Variants in MARCHF6 observed in about 807,000 individuals in gnomAD.
MARCHF6 encodes the protein E3 ubiquitin-protein ligase MARCHF6.
Under a neutral mutation model 133.7 loss-of-function variants are expected in MARCHF6, and 31 were observed. The observed-to-expected ratio is 0.23, with a 90% CI of 0.17 to 0.31. The LOEUF (loss-of-function observed/expected upper bound fraction) is 0.31. Ranked by LOEUF, MARCHF6 falls within the 10% of genes least tolerant of loss-of-function variation. The pLI, the probability that MARCHF6 is intolerant of heterozygous loss-of-function variation, is 1.00. For missense variants in MARCHF6, 723 were observed against 1,121.6 expected, an observed-to-expected ratio of 0.64 and a Z score of 5.08; for synonymous variants, 395 against 402.5, an observed-to-expected ratio of 0.98 and a Z score of 0.22.
At chr5:10,358,587 A>G (rs1735623607) in intron 1 of MARCHF6, among the ~76,000 whole-genome samples, 1 of 152,214 alleles carries the variant, frequency 6.6e-6, no homozygotes, top group Admixed American at 6.5e-5. Context: ...TAATCTAGAG[A>G]TAATTTAAAG....
At chr5:10,419,765 G>C (rs979004979) in intron 22 of MARCHF6, among the ~76,000 whole-genome samples, 1 of 152,168 alleles carries the variant, frequency 6.6e-6, no homozygotes, top group African/African-American at 2.4e-5. Flanking sequence ...AGGTTGATCA[G>C]TCTTCAGTTG....
In MARCHF6 at chr5:10,423,838, G is replaced by A. The variant is rs1388538663; in HGVS notation, c.2373+14G>A. On this transcript the variant is annotated intron_variant, in intron 23 of 25. Transcript: ENST00000274140. Reference sequence around the variant, plus strand: ...GTAATTGAACAGGTAAGCAAAATCAGTTTTCAGAGAAAGACATTCTGGAAT... The same window carrying A: ...GTAATTGAACAGGTAAGCAAAATCAATTTTCAGAGAAAGACATTCTGGAAT... The A allele has an allele frequency of 6.3e-7, 1 of 1,583,330 alleles. No homozygotes were observed. Among genetic ancestry groups the A allele is most frequent in the Admixed American group, 1.7e-5 (1 of 59,242 alleles).
At chr5:10,388,982 G>C (rs976323829) in intron 5 of MARCHF6, among the ~76,000 whole-genome samples, 1 of 152,150 alleles carries the variant, frequency 6.6e-6, no homozygotes, top group Non-Finnish European at 1.5e-5. Flanking sequence ...TACTAAGGTG[G>C]TAGTTAGGAT....
intron 1 of MARCHF6, among the ~76,000 whole-genome samples, chr5:10,368,362 T>C (rs1245585751): frequency 1.3e-5 from 2 of 152,184 alleles, no homozygotes; most frequent in Non-Finnish European, 1.5e-5. Flanking sequence ...GCCAGGCACA[T>C]TGGCTCACAC....
intron 4 of MARCHF6, among the ~76,000 whole-genome samples, chr5:10,386,491 A>G (rs1737490104): frequency 1.3e-5 from 2 of 152,172 alleles, no homozygotes; most frequent in Non-Finnish European, 2.9e-5. Flanking sequence ...TATATTCTGT[A>G]TTTTAGAGGA....
intron 4 of MARCHF6, among the ~76,000 whole-genome samples, chr5:10,384,552 T>A (rs116769154): frequency 0.013 from 1,949 of 152,332 alleles, 26 homozygotes; most frequent in Middle Eastern, 0.037. Flanking sequence ...TGAGCATCTG[T>A]TTATTTTGTT....
intron 1 of MARCHF6, among the ~76,000 whole-genome samples, chr5:10,371,164 A>G (rs548467019): frequency 6.6e-6 from 1 of 152,322 alleles, no homozygotes; most frequent in East Asian, 1.9e-4. Context: ...GTGACAGTTC[A>G]GTGATACCCT....
At chr5:10,391,113 A>G (rs977636587) in intron 6 of MARCHF6, among the ~76,000 whole-genome samples, 4 of 152,170 alleles carry the variant, frequency 2.6e-5, no homozygotes, top group African/African-American at 9.7e-5. Context: ...AGTAGAGTTT[A>G]TATTTGTTTT....
chr5:10,411,531 A>G lies in MARCHF6; in HGVS notation c.1890A>G (p.Pro630=). 1 of 1,613,240 alleles carries G rather than the reference A, an allele frequency of 6.2e-7. No individual in the cohort carries two copies. Among genetic ancestry groups the G allele is most frequent in the African/African-American group, 1.3e-5 (1 of 74,942 alleles). The part of the protein sequence containing the change: ...FQPYRRPLNF[P]LRIFLLIVFM... ...CTTACCGCCGACCTTTAAATTTTCC[A>G]CTCAGGGTAGGTGCTATACAGACTT... Residue 630 remains proline, a synonymous_variant, in exon 19 of 26, where the codon CCA becomes CCG. Coordinates refer to ENST00000274140, the MANE Select transcript of MARCHF6 (RefSeq NM_005885.4).
intron 17 of MARCHF6, among the ~76,000 whole-genome samples, chr5:10,408,778 A>G (rs552236367): frequency 5.8e-4 from 88 of 152,278 alleles, no homozygotes; most frequent in Admixed American, 4.7e-3. Context: ...AGCTTGAACC[A>G]TCTGCCTGCC....
At chr5:10,397,254 A>G (rs1418666598) in intron 9 of MARCHF6, 39 bp from the exon 10 acceptor site, 1 of 1,419,864 alleles carries the variant, frequency 7.0e-7, no homozygotes, top group Non-Finnish European at 9.6e-7. Flanking sequence ...TACATTAAGT[A>G]TGAATTGAAT....
intron 10 of MARCHF6, among the ~76,000 whole-genome samples, chr5:10,398,692 A>G (rs1738336577): frequency 1.3e-5 from 2 of 152,194 alleles, no homozygotes; most frequent in Non-Finnish European, 2.9e-5. Context: ...CATTTAAAAC[A>G]TGAATTATAC....
intron 1 of MARCHF6, among the ~76,000 whole-genome samples, chr5:10,368,865 G>GC (rs1198230249): frequency 1.3e-5 from 2 of 152,038 alleles, no homozygotes; most frequent in Non-Finnish European, 2.9e-5. Context: ...GAGCCACCGT[G>GC]CCCAGCCAGG....
Position 10,434,748 on chromosome 5 carries a change from G to A in MARCHF6, c.*1064G>A, listed in dbSNP as rs1316750996. 2.0e-5 allele frequency: 3 copies of A among 152,548 alleles called. No individual in the cohort carries two copies. Among genetic ancestry groups the A allele is most frequent in the Non-Finnish European group, 4.4e-5 (3 of 68,032 alleles). 9.4% of individuals were successfully genotyped at this position (152,548 alleles called of 1,614,324 possible). A position where few individuals can be genotyped will look rare whatever the true frequency, so the allele number is the denominator to read the frequency against. On this transcript the variant is annotated 3_prime_UTR_variant, in exon 26 of 26. Transcript: ENST00000274140. ...GCCTCGTTGGCTGAGGACTAGGTGT[G>A]CATTTCTCCTAGCTTTTCATCAGGA... is the stretch of plus-strand genomic sequence containing the variant.
Position 10,417,416 on chromosome 5 carries a change from T to C in MARCHF6, c.2283+12T>C. The C allele has an allele frequency of 1.9e-6, 3 of 1,613,190 alleles. No homozygotes were observed. The highest frequency in any genetic ancestry group is 1.1e-5 in the South Asian group (1 of 90,894). On this transcript the variant is annotated intron_variant, in intron 22 of 25. Transcript: ENST00000274140. ...TTTATCCATGGCAGGTAAATGTATGTCTTTTGCTCATGTTATTTCATTAAG... is the reference window on the plus strand; with the variant it reads ...TTTATCCATGGCAGGTAAATGTATGCCTTTTGCTCATGTTATTTCATTAAG...
chr5:10,397,372 T>A (rs759551180), intron 10 of MARCHF6, 28 bp downstream of exon 10: 34 of 1,492,178 alleles, frequency 2.3e-5, no homozygotes, highest in East Asian at 1.8e-4. Context: ...TTTTTTTTTT[T>A]ATAGTATTAT....
chr5:10,371,884 G>T (rs1237954038), intron 1 of MARCHF6, among the ~76,000 whole-genome samples: 2 of 152,058 alleles, frequency 1.3e-5, no homozygotes, highest in Non-Finnish European at 2.9e-5. Context: ...TATAATCCCA[G>T]CTATTCAGGA....
intron 25 of MARCHF6, among the ~76,000 whole-genome samples, chr5:10,431,166 T>G (rs1938113961): frequency 6.6e-6 from 1 of 152,188 alleles, no homozygotes; most frequent in African/African-American, 2.4e-5. Context: ...CTCCAAAGCA[T>G]TTACTGACAG....
rs757920156 is a variant in MARCHF6 at position 10,381,882 on chromosome 5, A to C, written c.273A>C (p.Arg91=). 1.2e-6 allele frequency: 2 copies of C among 1,612,856 alleles called. No individual in the cohort carries two copies. The highest frequency in any genetic ancestry group is 1.7e-6 in the Non-Finnish European group (2 of 1,179,108). Residue 91 remains arginine (R), a synonymous_variant, in exon 4 of 26, where the codon CGA becomes CGC. Coordinates refer to ENST00000274140, the MANE Select transcript of MARCHF6 (RefSeq NM_005885.4). ...TTACAAGTATTGGCACTGCAATACG[A>C]TATTGGTTTCATTATACACTTGTGG... ...GLVTSIGTAI[R]YWFHYTLVAF... is the part of the protein sequence containing the mutation.
Sources: gnomAD v4.1 joint callset for allele counts (sites outside exome capture counted in the v4.1 genomes callset) on GRCh38, gnomAD v4.1.1 for gene constraint, MANE v1.5 for transcripts, NCBI Gene and HGNC (gene_info 2026-07-23, HGNC 2026-07-21) for gene names.